Variants in CHRM3 observed in about 807,000 individuals in gnomAD.
The protein encoded by CHRM3 is cholinergic receptor muscarinic 3, also known as muscarinic acetylcholine receptor M3.
In CHRM3, 11 loss-of-function variants were observed where a neutral mutation model predicts 41.8. The observed-to-expected ratio is 0.26, with a 90% CI of 0.17 to 0.44. CHRM3 has a LOEUF of 0.44. Among genes scored for constraint, CHRM3 ranks in the 20% least tolerant of loss-of-function variants. CHRM3 has a pLI of 1.00. For missense variants in CHRM3, 571 were observed against 745.4 expected (o/e 0.77, Z 2.72); for synonymous variants, 297 against 301.4 (o/e 0.99, Z 0.15).
intron 5 of CHRM3, among the ~76,000 whole-genome samples, chr1:239,795,397 C>G (rs925581386): frequency 7.2e-5 from 11 of 152,164 alleles, no homozygotes; most frequent in Non-Finnish European, 2.9e-5. Flanking sequence ...TCAGCAATTG[C>G]ATTGAGAGTG....
intron 5 of CHRM3, among the ~76,000 whole-genome samples, chr1:239,794,435 G>A (rs1206852924): frequency 2.0e-5 from 3 of 149,014 alleles, no homozygotes; most frequent in African/African-American, 7.4e-5. Flanking sequence ...CTATTATTTG[G>A]GTTAGATGAT....
At chr1:239,703,924 T>C (rs2148127331) in intron 5 of CHRM3, 1 of 152,346 alleles carries the variant, frequency 6.6e-6, no homozygotes, top group Admixed American at 6.5e-5. Flanking sequence ...TGTTTATTAA[T>C]TGATGCAAGA....
At chr1:239,467,000 G>T (rs1665776982) in intron 1 of CHRM3, among the ~76,000 whole-genome samples, 1 of 152,038 alleles carries the variant, frequency 6.6e-6, no homozygotes, top group Admixed American at 6.6e-5. Flanking sequence ...CTATCATCCT[G>T]GAGTAAGAGT....
At chr1:239,527,900 C>A (rs1418750007) in intron 2 of CHRM3, among the ~76,000 whole-genome samples, 2 of 152,104 alleles carry the variant, frequency 1.3e-5, no homozygotes, top group Non-Finnish European at 2.9e-5. Context: ...TCCCCTTGTA[C>A]TACAACTTTT....
At chr1:239,407,382 G>A (rs1660676014) in intron 1 of CHRM3, among the ~76,000 whole-genome samples, 1 of 127,340 alleles carries the variant, frequency 7.9e-6, no homozygotes, top group African/African-American at 2.6e-5. Context: ...TACAATATGA[G>A]CTCTATGAGA....
intron 5 of CHRM3, among the ~76,000 whole-genome samples, chr1:239,812,127 C>T (rs73127402): frequency 0.019 from 2,856 of 152,280 alleles, 101 homozygotes; most frequent in African/African-American, 0.065. Flanking sequence ...ACACCCTCCT[C>T]CTCCCGGGCT....
At chr1:239,476,077 GTTT>G (rs36026730) in intron 1 of CHRM3, among the ~76,000 whole-genome samples, 1 of 150,586 alleles carries the variant, frequency 6.6e-6, no homozygotes, top group Admixed American at 6.6e-5. Context: ...TTTCTAGTTA[GTTT>G]TTTTTTTGTA....
Position 239,893,578 on chromosome 1 carries a change from T to C in CHRM3, c.-19-13855T>C, listed in dbSNP as rs184509351. On this transcript the variant is annotated intron_variant, in intron 6 of 6. Transcript: ENST00000676153. Reference sequence around the variant, plus strand: ...GTCCCCACCTCGTATGGCTATTGTGTGGATGAAATGAGTCACTACATGCAT... The same window carrying C: ...GTCCCCACCTCGTATGGCTATTGTGCGGATGAAATGAGTCACTACATGCAT... Among the ~76,000 whole-genome samples, 6 of 152,150 alleles carry C rather than the reference T, an allele frequency of 3.9e-5. No homozygotes were observed. In the East Asian group the frequency reaches 1.2e-3, roughly 30 times the overall value.
intron 5 of CHRM3, among the ~76,000 whole-genome samples, chr1:239,813,010 T>C (rs1021203162): frequency 6.6e-6 from 1 of 152,246 alleles, no homozygotes; most frequent in Non-Finnish European, 1.5e-5. Flanking sequence ...CCAGCCACAG[T>C]GGCTCATGCC....
chr1:239,481,265 A>T lies in CHRM3; in HGVS notation c.-520-11444A>T, dbSNP rs570975397. 2.7e-3 allele frequency among the ~76,000 whole-genome samples: 410 copies of T among 150,574 alleles called. 4 individuals carry two copies. Among genetic ancestry groups the T allele is most frequent in the African/African-American group, 9.7e-3 (388 of 39,940 alleles). On this transcript the variant is annotated intron_variant, in intron 1 of 6. Coordinates refer to ENST00000676153, the MANE Select transcript of CHRM3 (RefSeq NM_001375978.1). ...ATAAACAGATATACACACATAAAGA[A>T]TATCTCTTAACTATGTATAGACTAC...
chr1:239,514,398 G>T (rs1348782247), intron 2 of CHRM3, among the ~76,000 whole-genome samples: 4 of 151,400 alleles, frequency 2.6e-5, no homozygotes, highest in Middle Eastern at 7.0e-3. Flanking sequence ...TAATATAAAT[G>T]GTATTGTGTT....
intron 2 of CHRM3, among the ~76,000 whole-genome samples, chr1:239,509,500 T>C (rs1022551845): frequency 2.6e-5 from 4 of 152,138 alleles, no homozygotes; most frequent in Non-Finnish European, 5.9e-5. Flanking sequence ...AGAGCTGGAG[T>C]TGATTTCTGT....
intron 2 of CHRM3, 118 bp from the exon 3 acceptor site, chr1:239,545,523 G>T (rs1399743802): frequency 6.6e-6 from 1 of 152,146 alleles, no homozygotes; most frequent in Non-Finnish European, 1.5e-5. Context: ...CTGTTGGGTT[G>T]CTTGTCAAAC....
At chr1:239,829,143 C>T (rs1026045812) in intron 6 of CHRM3, among the ~76,000 whole-genome samples, 9 of 152,302 alleles carry the variant, frequency 5.9e-5, no homozygotes, top group Non-Finnish European at 8.8e-5. Context: ...GTTAATGAAT[C>T]TCTGTGGCGA....
intron 4 of CHRM3, among the ~76,000 whole-genome samples, chr1:239,671,527 T>C (rs1674364719): frequency 6.6e-6 from 1 of 152,086 alleles, no homozygotes; most frequent in Admixed American, 6.6e-5. Flanking sequence ...CAAGCCAGGA[T>C]CACTCCAGTG....
chr1:239,789,632 T>C (rs1265491595), intron 5 of CHRM3, among the ~76,000 whole-genome samples: 1 of 152,084 alleles, frequency 6.6e-6, no homozygotes, highest in Non-Finnish European at 1.5e-5. Flanking sequence ...GGTGCCAGGC[T>C]CCTGTTAGCA....
At chr1:239,816,388 G>A (rs1475012152) in intron 5 of CHRM3, among the ~76,000 whole-genome samples, 2 of 152,086 alleles carry the variant, frequency 1.3e-5, no homozygotes, top group Admixed American at 1.3e-4. Context: ...TTGCTGAGAA[G>A]CTTTATTAAT....
In CHRM3 at chr1:239,641,994, G is replaced by A. The variant is rs142880586; in HGVS notation, c.-250+9708G>A. Among the ~76,000 whole-genome samples, 948 of 127,054 alleles carry A rather than the reference G, an allele frequency of 7.5e-3. 191 individuals carry two copies. In the East Asian group the frequency reaches 0.17, roughly 23 times the overall value. The allele number at this position is 127,054 out of a possible 152,430, so 83.4% of individuals were successfully genotyped here. On this transcript the variant is annotated intron_variant, in intron 4 of 6. Transcript: ENST00000676153. ...AAAATCTCTCAGCATTTGCTTGTCT[G>A]TAAAGAATTTTATTTCTCCTCCACT...
At chr1:239,867,375 A>G (rs1676202554) in intron 6 of CHRM3, among the ~76,000 whole-genome samples, 1 of 152,100 alleles carries the variant, frequency 6.6e-6, no homozygotes, top group Non-Finnish European at 1.5e-5. Context: ...GGAATAGGGC[A>G]TTTTCTAAGT....
Sources: gnomAD v4.1 joint callset for allele counts (sites outside exome capture counted in the v4.1 genomes callset) on GRCh38, gnomAD v4.1.1 for gene constraint, MANE v1.5 for transcripts, NCBI Gene and HGNC (gene_info 2026-07-23, HGNC 2026-07-21) for gene names.